GALNT14: variants seen among roughly 807,000 people sequenced by gnomAD.
GALNT14 encodes the protein UDP-GalNAc:polypeptide N-acetylgalactosaminyltransferase 14.
Under a neutral mutation model 77.5 loss-of-function variants are expected in GALNT14, and 60 were observed. The observed-to-expected ratio is 0.77, with a 90% CI of 0.63 to 0.96. The LOEUF (loss-of-function observed/expected upper bound fraction) is 0.96, where lower values mean the gene tolerates loss of function less well. GALNT14 is among the 40% of genes least tolerant of loss of function. The pLI is 0.00. For missense variants in GALNT14, 710 were observed against 731.0 expected (o/e 0.97, Z 0.33); for synonymous variants, 280 against 281.7 (o/e 0.99, Z 0.06).
intron 2 of GALNT14, among the ~76,000 whole-genome samples, chr2:30,988,738 C>T (rs2148395362): frequency 6.6e-6 from 1 of 152,314 alleles, no homozygotes; most frequent in East Asian, 1.9e-4. Flanking sequence ...GCATCAGAAT[C>T]ACCTGTAGCT....
intron 1 of GALNT14, among the ~76,000 whole-genome samples, chr2:31,118,670 G>A (rs980569253): frequency 1.3e-5 from 2 of 151,826 alleles, no homozygotes; most frequent in African/African-American, 2.4e-5. Flanking sequence ...ATACTGCCAC[G>A]GCATTTAATT....
chr2:31,081,909 T>C (rs999310386), intron 1 of GALNT14, among the ~76,000 whole-genome samples: 1 of 152,178 alleles, frequency 6.6e-6, no homozygotes, highest in Non-Finnish European at 1.5e-5. Flanking sequence ...GCCCACCCTA[T>C]CCAAAAGTCA....
intron 1 of GALNT14, among the ~76,000 whole-genome samples, chr2:31,086,797 C>T (rs1310263312): frequency 6.6e-6 from 1 of 152,158 alleles, no homozygotes; most frequent in Non-Finnish European, 1.5e-5. Flanking sequence ...AATTCCACCA[C>T]TCCCTCATGG....
At chr2:30,950,540 C>T (rs1303478149) in intron 6 of GALNT14, among the ~76,000 whole-genome samples, 2 of 152,206 alleles carry the variant, frequency 1.3e-5, no homozygotes, top group East Asian at 3.9e-4. Flanking sequence ...CCAGGAAACA[C>T]AGGCTGACTC....
In GALNT14 at chr2:31,077,709, A is replaced by C. The variant is rs188546087; in HGVS notation, c.129+60249T>G. Among the ~76,000 whole-genome samples the C allele has an allele frequency of 2.0e-5, 3 of 152,310 alleles. 1 individual carries two copies. In the East Asian group the frequency reaches 5.8e-4, roughly 29 times the overall value. The stretch of plus-strand genomic sequence containing the variant: ...TTCATTTACCTCCTTATCTGTCTCT[A>C]ATTAAACCAACTTTTCCCTGAGCAC... On this transcript the variant is annotated intron_variant, in intron 1 of 14. Coordinates refer to ENST00000349752, the MANE Select transcript of GALNT14 (RefSeq NM_024572.4).
chr2:31,012,147 A>G (rs1026153784), intron 1 of GALNT14, among the ~76,000 whole-genome samples: 2 of 152,106 alleles, frequency 1.3e-5, no homozygotes, highest in African/African-American at 4.8e-5. Context: ...ACCTGTATTT[A>G]ATTTTTCACA....
At chr2:31,064,451 C>T (rs77784874) in intron 1 of GALNT14, among the ~76,000 whole-genome samples, 33,055 of 152,122 alleles carry the variant, frequency 0.22, 3,812 homozygotes, top group Middle Eastern at 0.28. Flanking sequence ...ACCCTGTCCC[C>T]GAAAACCAAA....
intron 1 of GALNT14, among the ~76,000 whole-genome samples, chr2:31,094,223 T>C (rs1274083921): frequency 1.3e-5 from 2 of 152,184 alleles, no homozygotes; most frequent in African/African-American, 4.8e-5. Flanking sequence ...CTTAAGAAGG[T>C]TCTTTGTAAT....
chr2:30,894,015 G>A, the GALNT14 span, among the ~76,000 whole-genome samples: 1 of 152,090 alleles, frequency 6.6e-6, no homozygotes, highest in African/African-American at 2.4e-5. Context: ...TTCTAAAAGT[G>A]CAACTTTCTA....
chr2:30,985,804 G>A (rs993504154), intron 2 of GALNT14, among the ~76,000 whole-genome samples: 5 of 152,210 alleles, frequency 3.3e-5, no homozygotes, highest in African/African-American at 1.2e-4. Flanking sequence ...CTAAGTATCT[G>A]TGATGGGCTC....
chr2:30,929,407 C>A lies in GALNT14; in HGVS notation c.1139G>T (p.Arg380Met), dbSNP rs746228117. 1 of 1,613,924 alleles carries A rather than the reference C, an allele frequency of 6.2e-7. No homozygotes were observed. Among genetic ancestry groups the A allele is most frequent in the Non-Finnish European group, 8.5e-7 (1 of 1,179,828 alleles). ...YYAARPFALE[R>M]PFGNVESRLD... is the part of the protein sequence containing the mutation. ...AAGGGACACTTACTTCCCGAAGGGCCTCTCCAGGGCGAATGGCCGGGCAGC... is the reference window on the plus strand; with the variant it reads ...AAGGGACACTTACTTCCCGAAGGGCATCTCCAGGGCGAATGGCCGGGCAGC... The change falls in exon 11 of 15, where the codon AGG (arginine) becomes ATG (methionine). Residue 380 changes from arginine (R) to methionine (M), a missense_variant. Arg to Met is a moderately conservative substitution (Grantham distance 91, BLOSUM62 -1). Coordinates refer to ENST00000349752, the MANE Select transcript of GALNT14 (RefSeq NM_024572.4).
chr2:30,904,453 G>C, the GALNT14 span, among the ~76,000 whole-genome samples: 30 of 152,270 alleles, frequency 2.0e-4, 1 homozygote, highest in South Asian at 6.2e-3. Flanking sequence ...GGTGACGGAC[G>C]GCACCTGGAA....
chr2:30,997,726 T>C (rs945255978), intron 1 of GALNT14, among the ~76,000 whole-genome samples: 6 of 152,228 alleles, frequency 3.9e-5, no homozygotes, highest in African/African-American at 1.4e-4. Context: ...TCTGTATATA[T>C]TTATGGGGTA....
intron 1 of GALNT14, among the ~76,000 whole-genome samples, chr2:31,053,152 C>T (rs1673993906): frequency 6.6e-6 from 1 of 152,176 alleles, no homozygotes; most frequent in Admixed American, 6.5e-5. Context: ...TTTTTTGGAC[C>T]TATATGCCTG....
rs11314175 is a variant in GALNT14 at position 30,977,092 on chromosome 2, C to CTTTTT, written c.300-10795_300-10791dup. 1.2e-4 allele frequency among the ~76,000 whole-genome samples: 16 copies of CTTTTT among 135,126 alleles called. 1 individual carries two copies. Among genetic ancestry groups the CTTTTT allele is most frequent in the African/African-American group, 4.9e-4 (16 of 32,618 alleles). 88.6% of individuals were successfully genotyped at this position (135,126 alleles called of 152,430 possible). On this transcript the variant is annotated intron_variant, in intron 2 of 14. Coordinates refer to ENST00000349752, the MANE Select transcript of GALNT14 (RefSeq NM_024572.4). ...CTTTATTCCATATTGGCTTTTCTGT[C>CTTTTT]TTTTTTTTTTTTTTTGAGACAGGGT...
intron 1 of GALNT14, chr2:31,129,588 A>G: frequency 1.0e-6 from 1 of 985,428 alleles, no homozygotes; most frequent in Non-Finnish European, 1.2e-6. Context: ...CTAGGAAACA[A>G]TAAGCCTGAA....
intron 1 of GALNT14, among the ~76,000 whole-genome samples, chr2:31,103,014 C>T (rs1010836884): frequency 2.0e-5 from 3 of 152,100 alleles, no homozygotes; most frequent in Non-Finnish European, 4.4e-5. Flanking sequence ...TCCTGTATCA[C>T]TTTCCTTTAG....
At position 30,944,886 on chromosome 2, in the gene GALNT14, G is replaced by C; in HGVS notation, c.799C>G (p.Arg267Gly). The C allele has an allele frequency of 6.2e-7, 1 of 1,610,444 alleles. No individual in the cohort carries two copies. Among genetic ancestry groups the C allele is most frequent in the Non-Finnish European group, 8.5e-7 (1 of 1,177,576 alleles). Reference sequence around the variant, plus strand: ...ATGGGCTCCGTGGGGTCCAGGCGCCGAGCCTTCTGCTCTGGGGAGAGCTGC... The same window carrying C: ...ATGGGCTCCGTGGGGTCCAGGCGCCCAGCCTTCTGCTCTGGGGAGAGCTGC... Reference protein sequence around the residue: ...WEQLSPEQKARRLDPTEPIRT... With the variant: ...WEQLSPEQKAGRLDPTEPIRT... Residue 267 changes from arginine to glycine, a missense_variant, in exon 8 of 15, where the codon CGG (arginine) becomes GGG (glycine). Coordinates refer to ENST00000349752, the MANE Select transcript of GALNT14 (RefSeq NM_024572.4).
chr2:31,037,551 C>T lies in GALNT14; in HGVS notation c.130-44544G>A, dbSNP rs180813026. 5.9e-5 allele frequency among the ~76,000 whole-genome samples: 9 copies of T among 152,282 alleles called. 2 individuals carry two copies. The South Asian group carries it at 8.3e-4, about 14-fold the overall frequency. On this transcript the variant is annotated intron_variant, in intron 1 of 14. Coordinates refer to ENST00000349752, the MANE Select transcript of GALNT14 (RefSeq NM_024572.4). ...CCCCTCTTTGTAGAAGTCATGCTTT[C>T]CCATACTTTTGCATATCTCTTAATC... is the stretch of plus-strand genomic sequence containing the variant.
Sources: allele counts gnomAD v4.1 joint callset (sites outside exome capture counted in the v4.1 genomes callset), GRCh38; gene constraint gnomAD v4.1.1; transcripts MANE v1.5; gene names NCBI Gene and HGNC (gene_info 2026-07-23, HGNC 2026-07-21).